Variants in PRKCH observed in about 807,000 individuals in gnomAD.
PRKCH encodes protein kinase C eta.
A neutral mutation model predicts 82.5 loss-of-function variants in PRKCH; 28 were observed. That is an observed-to-expected ratio of 0.34 (90% CI 0.25 to 0.47). PRKCH has a LOEUF of 0.47. PRKCH is among the 20% of genes least tolerant of loss of function. PRKCH has a pLI of 1.00. For missense variants in PRKCH, 705 were observed against 881.8 expected (o/e 0.80, Z 2.54); for synonymous variants, 322 against 327.4 (o/e 0.98, Z 0.18).
chr14:61,405,769 G>A (rs533149275), intron 2 of PRKCH, among the ~76,000 whole-genome samples: 2 of 151,850 alleles, frequency 1.3e-5, no homozygotes, highest in African/African-American at 2.4e-5. Flanking sequence ...TAACTGGAGA[G>A]GTAAGTAGGT....
At chr14:61,325,092 G>C (rs1452518473) in intron 1 of PRKCH, among the ~76,000 whole-genome samples, 1 of 152,206 alleles carries the variant, frequency 6.6e-6, no homozygotes, top group Non-Finnish European at 1.5e-5. Context: ...CAAAATCTAA[G>C]TTTGTTGTAG....
At chr14:61,271,696 G>A (rs1246815891) in intron 1 of PRKCH, among the ~76,000 whole-genome samples, 2 of 152,144 alleles carry the variant, frequency 1.3e-5, no homozygotes, top group Non-Finnish European at 2.9e-5. Context: ...TTGTTGTGAG[G>A]AGTACAATGT....
At position 61,489,772 on chromosome 14, in the gene PRKCH, G is replaced by A. The variant is rs116895320; in HGVS notation, c.1433+4116G>A. Among the ~76,000 whole-genome samples the A allele has an allele frequency of 7.4e-4, 113 of 152,272 alleles. 1 individual carries two copies. In the East Asian group the frequency reaches 0.017, roughly 23 times the overall value. ...TTACTCATGGTGTTGACTTTTTTCC[G>A]GAGTCAAGCCCTACAGAAAAGTAAG... On this transcript the variant is annotated intron_variant, in intron 10 of 13. Transcript: ENST00000332981.
chr14:61,336,295 A>C (rs534943463), intron 1 of PRKCH, among the ~76,000 whole-genome samples: 2 of 152,290 alleles, frequency 1.3e-5, no homozygotes, highest in African/African-American at 4.8e-5. Context: ...CTGGAATGTA[A>C]ATCAGTAGGA....
intron 2 of PRKCH, among the ~76,000 whole-genome samples, chr14:61,397,079 C>A (rs2046797046): frequency 6.6e-6 from 1 of 151,902 alleles, no homozygotes; most frequent in African/African-American, 2.4e-5. Context: ...GTGTGGAGAA[C>A]CATTATAGAG....
At chr14:61,514,315 A>G (rs1441559493) in intron 10 of PRKCH, among the ~76,000 whole-genome samples, 1 of 19,602 alleles carries the variant, frequency 5.1e-5, no homozygotes, top group African/African-American at 9.0e-5. Context: ...CTTCTCCTTT[A>G]AAAAAAAAAA....
intron 1 of PRKCH, among the ~76,000 whole-genome samples, chr14:61,325,823 G>T (rs905894252): frequency 3.9e-5 from 6 of 152,098 alleles, no homozygotes. Context: ...ATTTCAATAG[G>T]CACTCACCTT....
intron 10 of PRKCH, among the ~76,000 whole-genome samples, chr14:61,488,747 C>T (rs1317301916): frequency 1.3e-5 from 2 of 152,204 alleles, no homozygotes; most frequent in African/African-American, 4.8e-5. Context: ...ATTACCGCCC[C>T]TCAGTCTACT....
At chr14:61,218,796 C>A (rs1465807599) in intron 1 of PRKCH, among the ~76,000 whole-genome samples, 1 of 152,086 alleles carries the variant, frequency 6.6e-6, no homozygotes, top group East Asian at 1.9e-4. Flanking sequence ...CCAGTGCTCC[C>A]CCGATGCTCT....
At chr14:61,237,451 C>G (rs934261558) in intron 1 of PRKCH, among the ~76,000 whole-genome samples, 4 of 152,116 alleles carry the variant, frequency 2.6e-5, no homozygotes, top group Non-Finnish European at 5.9e-5. Flanking sequence ...TCATCCTGAT[C>G]GAGGAGAGAA....
chr14:61,533,036 G>A (rs1278760198), intron 12 of PRKCH, among the ~76,000 whole-genome samples: 37 of 152,214 alleles, frequency 2.4e-4, no homozygotes, highest in Non-Finnish European at 4.4e-5. Context: ...GGCTCACAGT[G>A]CCGGGCCTGC....
At chr14:61,296,130 T>C (rs2045403955) in intron 1 of PRKCH, among the ~76,000 whole-genome samples, 1 of 152,146 alleles carries the variant, frequency 6.6e-6, no homozygotes, top group Non-Finnish European at 1.5e-5. Context: ...TGGGAGAGAG[T>C]AAAAGGGTAA....
Position 61,428,446 on chromosome 14 carries a change from T to G in PRKCH, c.428-14665T>G, listed in dbSNP as rs190479004. ...ATGGCTTTCACTAGTTTTTCAGGGG[T>G]TTTTTTTAATCCCCTTGGTTGAGAA... is the stretch of plus-strand genomic sequence containing the variant. On this transcript the variant is annotated intron_variant, in intron 2 of 13. Transcript: ENST00000332981. Among the ~76,000 whole-genome samples, 12 of 151,858 alleles carry G rather than the reference T, an allele frequency of 7.9e-5. No individual in the cohort carries two copies. In the East Asian group the frequency reaches 1.4e-3, roughly 17 times the overall value.
intron 1 of PRKCH, among the ~76,000 whole-genome samples, chr14:61,369,841 A>C (rs2046342624): frequency 6.6e-6 from 1 of 152,118 alleles, no homozygotes; most frequent in South Asian, 2.1e-4. Flanking sequence ...CTTGGTAAAA[A>C]ACAGAACTTT....
Position 61,453,239 on chromosome 14 carries a change from T to C in PRKCH, c.846T>C (p.Asn282=), listed in dbSNP as rs550016550. Residue 282 remains asparagine, a synonymous_variant, in exon 7 of 14, where the codon AAT becomes AAC. Transcript: ENST00000332981. ...TTTTCCCTCTAGTATGTAAAATGAA[T>C]GTGCATATTCGATGTCAAGCGAACG... is the stretch of plus-strand genomic sequence containing the variant. The part of the protein sequence containing the change: ...QGLQCKICKM[N]VHIRCQANVA... 10 of 1,614,232 alleles carry C rather than the reference T, an allele frequency of 6.2e-6. No homozygotes were observed. The East Asian group carries it at 2.2e-4, about 36-fold the overall frequency.
At position 61,271,207 on chromosome 14, in the gene PRKCH, C is replaced by T. The variant is rs565012447; in HGVS notation, c.-19+83539C>T. On this transcript the variant is annotated intron_variant, in intron 1 of 3. Transcript: ENST00000555185. ...TGTTTGCCCTCCCTGCCGCCATTCACCCCCTCTCTCCCAGGGATAACCACT... is the reference window on the plus strand; with the variant it reads ...TGTTTGCCCTCCCTGCCGCCATTCATCCCCTCTCTCCCAGGGATAACCACT... 1.3e-4 allele frequency among the ~76,000 whole-genome samples: 20 copies of T among 152,284 alleles called. No individual in the cohort carries two copies. In the South Asian group the frequency reaches 3.9e-3, roughly 30 times the overall value.
chr14:61,229,730 C>G (rs1272117414), intron 1 of PRKCH, among the ~76,000 whole-genome samples: 12 of 152,156 alleles, frequency 7.9e-5, no homozygotes, highest in African/African-American at 2.9e-4. Context: ...CCCCGACACC[C>G]CACCTAACCA....
intron 6 of PRKCH, among the ~76,000 whole-genome samples, chr14:61,451,663 G>T (rs760935850): frequency 6.6e-6 from 1 of 152,238 alleles, no homozygotes; most frequent in Non-Finnish European, 1.5e-5. Context: ...GAGTTAGGGA[G>T]CTGTTGGCCT....
At chr14:61,533,653 T>G (rs2043071082) in intron 12 of PRKCH, among the ~76,000 whole-genome samples, 1 of 152,204 alleles carries the variant, frequency 6.6e-6, no homozygotes, top group African/African-American at 2.4e-5. Flanking sequence ...TCCATTTCCT[T>G]GGGCAAATGG....
Sources: allele counts gnomAD v4.1 joint callset (sites outside exome capture counted in the v4.1 genomes callset), GRCh38; gene constraint gnomAD v4.1.1; transcripts MANE v1.5; gene names NCBI Gene and HGNC (gene_info 2026-07-23, HGNC 2026-07-21).